Variants in GLT8D2 observed in about 807,000 individuals in gnomAD.
GLT8D2 encodes glycosyltransferase 8 domain-containing protein 2.
Under a neutral mutation model 44.5 loss-of-function variants are expected in GLT8D2, and 45 were observed. That is an observed-to-expected ratio of 1.01 (90% confidence interval 0.80 to 1.30). GLT8D2 has a LOEUF of 1.30. GLT8D2 is among the 50% of genes most tolerant of loss of function. The probability of loss-of-function intolerance (pLI) is 0.00; values close to 1 mark genes in which losing one functional copy is unlikely to be tolerated. For missense variants in GLT8D2, 400 were observed against 430.4 expected (o/e 0.93, Z 0.62); for synonymous variants, 156 against 157.2 (o/e 0.99, Z 0.06).
At chr12:104,000,976 A>T (rs188313701) in intron 5 of GLT8D2, among the ~76,000 whole-genome samples, 4 of 152,348 alleles carry the variant, frequency 2.6e-5, no homozygotes, top group African/African-American at 9.6e-5. Context: ...TAATACTGAA[A>T]CACCCTGAAC....
chr12:104,048,834 T>C (rs1394895129), intron 1 of GLT8D2, among the ~76,000 whole-genome samples: 3 of 152,220 alleles, frequency 2.0e-5, no homozygotes, highest in Non-Finnish European at 4.4e-5. Flanking sequence ...GCAGGTCCTG[T>C]ATTATGTCCT....
chr12:104,007,140 C>T (rs187429178), intron 4 of GLT8D2, among the ~76,000 whole-genome samples: 10 of 152,004 alleles, frequency 6.6e-5, no homozygotes, highest in African/African-American at 1.9e-4. Context: ...ACTTTAGTAC[C>T]GCAATACAAC....
chr12:104,055,233 T>A (rs927610236), intron 1 of GLT8D2, among the ~76,000 whole-genome samples: 34 of 152,164 alleles, frequency 2.2e-4, no homozygotes, highest in Non-Finnish European at 1.0e-4. Context: ...GTTGGTAGTG[T>A]CTCCCATTGA....
At position 104,008,915 on chromosome 12, in the gene GLT8D2, A is replaced by G. The variant is rs1276946262; in HGVS notation, c.113-5609T>C. ...GCCTGTGAGTGCACAGAAGTAAAAA[A>G]TTGGGGTTTGGGAACCTCCACCTAC... On this transcript the variant is annotated intron_variant, in intron 4 of 10. Transcript: ENST00000360814. 5.9e-5 allele frequency among the ~76,000 whole-genome samples: 9 copies of G among 152,386 alleles called. No homozygotes were observed. In the East Asian group the frequency reaches 1.7e-3, roughly 29 times the overall value.
intron 1 of GLT8D2, among the ~76,000 whole-genome samples, chr12:104,036,187 T>C (rs1879910824): frequency 6.6e-6 from 1 of 152,184 alleles, no homozygotes; most frequent in Non-Finnish European, 1.5e-5. Context: ...GAAAAACCAG[T>C]ATCAACCACT....
At chr12:103,995,462 G>A (rs1018033419) in intron 8 of GLT8D2, among the ~76,000 whole-genome samples, 23 of 151,992 alleles carry the variant, frequency 1.5e-4, no homozygotes, top group African/African-American at 5.6e-4. Context: ...ATCTGCACAG[G>A]TGGTTCCCTC....
chr12:103,997,414 T>C, intron 7 of GLT8D2, 37 bp downstream of exon 7: 1 of 1,414,120 alleles, frequency 7.1e-7, no homozygotes. Context: ...TATCAGCTGC[T>C]TCTTTTCCAA....
At chr12:104,013,093 T>C (rs1006716805) in intron 4 of GLT8D2, among the ~76,000 whole-genome samples, 1 of 152,230 alleles carries the variant, frequency 6.6e-6, no homozygotes, top group African/African-American at 2.4e-5. Context: ...TTTAAAAATT[T>C]ACCCATTGTA....
chr12:104,014,217 T>C (rs1460294501), intron 4 of GLT8D2: 1 of 677,234 alleles, frequency 1.5e-6, no homozygotes, highest in Admixed American at 2.2e-5. Flanking sequence ...TAGCTGGGCG[T>C]GGTGGCACAC....
intron 1 of GLT8D2, among the ~76,000 whole-genome samples, chr12:104,056,752 TC>T (rs1229300324): frequency 6.6e-6 from 1 of 152,220 alleles, no homozygotes; most frequent in East Asian, 1.9e-4. Flanking sequence ...AGGTTTTCAG[TC>T]CACAAAATTA....
chr12:104,063,386 T>C (rs1209048645), intron 1 of GLT8D2, among the ~76,000 whole-genome samples: 1 of 152,104 alleles, frequency 6.6e-6, no homozygotes, highest in Non-Finnish European at 1.5e-5. Context: ...TAGGCCTTAT[T>C]AAGTGTTGCA....
chr12:104,051,733 C>T (rs1221219331), upstream of GLT8D2, among the ~76,000 whole-genome samples: 1 of 152,114 alleles, frequency 6.6e-6, no homozygotes, highest in African/African-American at 2.4e-5. Flanking sequence ...CTCCCTTCCT[C>T]CTGCCCTTCC....
chr12:104,041,077 G>T (rs1880498861), intron 1 of GLT8D2, among the ~76,000 whole-genome samples: 1 of 152,022 alleles, frequency 6.6e-6, no homozygotes, highest in East Asian at 2.0e-4. Context: ...GACCAGCCTG[G>T]CCAACATGGT....
intron 1 of GLT8D2, among the ~76,000 whole-genome samples, chr12:104,038,383 C>T (rs1284145437): frequency 1.3e-5 from 2 of 152,126 alleles, no homozygotes; most frequent in Non-Finnish European, 2.9e-5. Flanking sequence ...CATGATTGTG[C>T]ATTTAGAAAA....
intron 8 of GLT8D2, among the ~76,000 whole-genome samples, chr12:103,996,158 C>A (rs1873387089): frequency 6.6e-6 from 1 of 152,186 alleles, no homozygotes; most frequent in Non-Finnish European, 1.5e-5. Context: ...CTTAATAACA[C>A]CTCATATTTC....
At chr12:104,006,900 T>C (rs1875088988) in intron 4 of GLT8D2, among the ~76,000 whole-genome samples, 1 of 152,210 alleles carries the variant, frequency 6.6e-6, no homozygotes, top group South Asian at 2.1e-4. Flanking sequence ...AAGCCTCATT[T>C]GTCCAACAGT....
At chr12:104,045,454 G>T (rs1268375084) in intron 1 of GLT8D2, among the ~76,000 whole-genome samples, 2 of 152,146 alleles carry the variant, frequency 1.3e-5, no homozygotes, top group East Asian at 3.8e-4. Flanking sequence ...GCCACTGCAG[G>T]GCAGGCAAGG....
chr12:104,000,134 G>A (rs543819776), intron 5 of GLT8D2, among the ~76,000 whole-genome samples: 3 of 151,740 alleles, frequency 2.0e-5, no homozygotes, highest in Admixed American at 6.6e-5. Context: ...ATAAAATGTC[G>A]AATGACTAAA....
chr12:104,040,585 C>T lies in GLT8D2; in HGVS notation c.-164+9310G>A, dbSNP rs147696921. ...GGATTACAGACGCGTGCCACCATGC[C>T]CAACTAATTTTTGCATATTTAGTAG... On this transcript the variant is annotated intron_variant, in intron 1 of 10. Coordinates refer to ENST00000360814, the MANE Select transcript of GLT8D2 (RefSeq NM_001384711.1). 1.7e-3 allele frequency among the ~76,000 whole-genome samples: 255 copies of T among 152,214 alleles called. 1 individual carries two copies. The highest frequency in any genetic ancestry group is 5.9e-3 in the African/African-American group (245 of 41,534).
Sources: allele counts gnomAD v4.1 joint callset (sites outside exome capture counted in the v4.1 genomes callset), GRCh38; gene constraint gnomAD v4.1.1; transcripts MANE v1.5; gene names NCBI Gene and HGNC (gene_info 2026-07-23, HGNC 2026-07-21).